SLC18B1: variants seen among roughly 807,000 people sequenced by gnomAD.
The protein encoded by SLC18B1 is solute carrier family 18 member B1, also known as MFS-type transporter SLC18B1.
In SLC18B1, 62 loss-of-function variants were observed where a neutral mutation model predicts 53.9. That is an observed-to-expected ratio of 1.15 (90% CI 0.94 to 1.42). The LOEUF (loss-of-function observed/expected upper bound fraction) is 1.42. Among genes scored for constraint, SLC18B1 ranks in the 40% most tolerant of loss-of-function variants. The pLI is 0.00. For missense variants in SLC18B1, 598 were observed against 547.3 expected (o/e 1.09, Z -0.93); for synonymous variants, 217 against 200.9 (o/e 1.08, Z -0.68).
In SLC18B1 at chr6:132,770,735, C is replaced by CA. The variant is rs541963924; in HGVS notation, c.1304+154dup. Among the ~76,000 whole-genome samples the CA allele has an allele frequency of 2.1e-3, 317 of 152,068 alleles. 1 individual carries two copies. The highest frequency in any genetic ancestry group is 7.4e-3 in the African/African-American group (308 of 41,496). On this transcript the variant is annotated intron_variant, in intron 13 of 13. Coordinates refer to ENST00000275227, the MANE Select transcript of SLC18B1 (RefSeq NM_052831.3). ...TGGGTGACAGAGCAAGACACCATCT[C>CA]AAAAAATAAAAATTAAAAAAGTATC...
At chr6:132,772,353 A>C (rs940365772) in intron 10 of SLC18B1, 147 bp from the exon 11 acceptor site, 1 of 468,638 alleles carries the variant, frequency 2.1e-6, no homozygotes. Flanking sequence ...ATAAAAAGCA[A>C]ATCTTATTTA....
intron 6 of SLC18B1, among the ~76,000 whole-genome samples, chr6:132,781,847 G>A (rs1781245909): frequency 6.6e-6 from 1 of 151,894 alleles, no homozygotes; most frequent in Admixed American, 6.6e-5. Context: ...GTAAGGGTTA[G>A]GTAGAGTGAA....
rs777579812 is a variant in SLC18B1, at chr6:132,797,113, G to T, written c.52C>A (p.Pro18Thr). ...GGGGTCTCTCCTGCACTTCCTGCAG[G>T]ATCATCACCTTGAATGCAAACATGC... ...EGPRAPGGDD[P>T]AGSAGETPGW... Residue 18 changes from proline (P) to threonine (T), a missense_variant, in exon 2 of 14, where the codon CCT (proline) becomes ACT (threonine). Coordinates refer to ENST00000275227, the MANE Select transcript of SLC18B1 (RefSeq NM_052831.3). 1 of 1,612,918 alleles carries T rather than the reference G, an allele frequency of 6.2e-7. No individual in the cohort carries two copies. The highest frequency in any genetic ancestry group is 1.3e-5 in the African/African-American group (1 of 74,858).
intron 6 of SLC18B1, among the ~76,000 whole-genome samples, chr6:132,781,076 T>C (rs1304932035): frequency 1.3e-5 from 2 of 152,164 alleles, no homozygotes; most frequent in African/African-American, 4.8e-5. Flanking sequence ...AAAATATAAA[T>C]TATAAAAGAT....
At chr6:132,788,090 G>A (rs566732351) in intron 4 of SLC18B1, among the ~76,000 whole-genome samples, 25 of 151,844 alleles carry the variant, frequency 1.6e-4, no homozygotes, top group African/African-American at 5.3e-4. Flanking sequence ...GAACCTGGGC[G>A]GCGCAGTTTG....
chr6:132,795,053 C>T (rs749837223), intron 2 of SLC18B1, among the ~76,000 whole-genome samples: 15 of 151,962 alleles, frequency 9.9e-5, no homozygotes, highest in Non-Finnish European at 1.8e-4. Context: ...CTTTCAGTAA[C>T]GCCCTTTCTT....
At position 132,772,086 on chromosome 6, in the gene SLC18B1, C is replaced by T. The variant is rs770304759; in HGVS notation, c.1160+46G>A. On this transcript the variant is annotated intron_variant, in intron 11 of 13. Coordinates refer to ENST00000275227, the MANE Select transcript of SLC18B1 (RefSeq NM_052831.3). ...CAGCCTGGGTGATGAGAGTGAAACT[C>T]CATCTCAAAAAAAAAAAAAAAGAAA... 7.0e-5 allele frequency: 93 copies of T among 1,320,294 alleles called. 1 individual carries two copies. Among genetic ancestry groups the T allele is most frequent in the East Asian group, 2.6e-5 (1 of 38,960 alleles). The allele number at this position is 1,320,294 out of a possible 1,614,324, so 81.8% of individuals were successfully genotyped here.
chr6:132,792,207 G>T (rs1402083162), intron 2 of SLC18B1, among the ~76,000 whole-genome samples: 1 of 139,394 alleles, frequency 7.2e-6, no homozygotes, highest in Non-Finnish European at 1.5e-5. Context: ...CAGCCTGGGT[G>T]ACAGAGCAAG....
At chr6:132,783,156 GA>G (rs1781278387) in intron 6 of SLC18B1, among the ~76,000 whole-genome samples, 2 of 141,000 alleles carry the variant, frequency 1.4e-5, no homozygotes, top group African/African-American at 6.4e-5. Flanking sequence ...CAATCCTAGA[GA>G]TTTTTTTTTA....
chr6:132,769,481 C>T lies in SLC18B1; in HGVS notation c.*789G>A, dbSNP rs998463556. 6.6e-5 allele frequency: 10 copies of T among 151,246 alleles called. No homozygotes were observed. The highest frequency in any genetic ancestry group is 4.2e-4 in the South Asian group (2 of 4,814). 9.4% of individuals were successfully genotyped at this position (151,246 alleles called of 1,614,324 possible). On this transcript the variant is annotated 3_prime_UTR_variant, in exon 14 of 14. Coordinates refer to ENST00000275227, the MANE Select transcript of SLC18B1 (RefSeq NM_052831.3). ...TTCGCATTAGGGGAAGGAGGCTGACCTGCTCTAGGGATGAAATACATCTAC... is the reference window on the plus strand; with the variant it reads ...TTCGCATTAGGGGAAGGAGGCTGACTTGCTCTAGGGATGAAATACATCTAC...
At chr6:132,779,943 T>G (rs1781190214) in intron 6 of SLC18B1, among the ~76,000 whole-genome samples, 1 of 152,142 alleles carries the variant, frequency 6.6e-6, no homozygotes, top group South Asian at 2.1e-4. Flanking sequence ...CTTGTGAGAC[T>G]TATTCACTCC....
intron 9 of SLC18B1, among the ~76,000 whole-genome samples, 175 bp downstream of exon 9, chr6:132,774,047 C>T (rs1225456835): frequency 6.6e-6 from 1 of 152,182 alleles, no homozygotes; most frequent in Non-Finnish European, 1.5e-5. Flanking sequence ...TGTTGTCCCA[C>T]TGCTAGCTTC....
At chr6:132,789,378 G>C (rs188306343) in intron 4 of SLC18B1, 279 of 163,988 alleles carry the variant, frequency 1.7e-3, no homozygotes, top group African/African-American at 5.4e-3. Context: ...ATCACAAGAA[G>C]AAAAATTTCT....
At chr6:132,791,919 T>C (rs1198269331) in intron 2 of SLC18B1, among the ~76,000 whole-genome samples, 3 of 151,578 alleles carry the variant, frequency 2.0e-5, no homozygotes, top group Non-Finnish European at 2.9e-5. Flanking sequence ...GTGAAAGGAG[T>C]CAATTAACGC....
intron 11 of SLC18B1, 134 bp downstream of exon 11, chr6:132,771,998 A>G: frequency 1.7e-6 from 1 of 601,316 alleles, no homozygotes; most frequent in Non-Finnish European, 2.8e-6. Context: ...AGGCTGAGAT[A>G]GAAGAATCTC....
rs1272046111 is a variant in SLC18B1 at position 132,770,749 on chromosome 6, T to TA, written c.1304+140dup. The TA allele has an allele frequency of 1.4e-5, 12 of 829,884 alleles. No homozygotes were observed. The East Asian group carries it at 2.7e-4, about 19-fold the overall frequency. 51.4% of individuals were successfully genotyped at this position (829,884 alleles called of 1,614,324 possible). On this transcript the variant is annotated intron_variant, in intron 13 of 13. Transcript: ENST00000275227. ...AGACACCATCTCAAAAAATAAAAAT[T>TA]AAAAAAGTATCTACCAACTGATGAG...
intron 2 of SLC18B1, among the ~76,000 whole-genome samples, chr6:132,792,731 G>A (rs923058646): frequency 3.9e-5 from 6 of 152,192 alleles, no homozygotes; most frequent in Admixed American, 1.3e-4. Flanking sequence ...TGCTGACACA[G>A]GATGTGCTAG....
chr6:132,791,039 G>A (rs1393998222), intron 2 of SLC18B1, among the ~76,000 whole-genome samples: 4 of 152,162 alleles, frequency 2.6e-5, no homozygotes, highest in Non-Finnish European at 5.9e-5. Context: ...AAAATAGAAA[G>A]TTTAAAAAAC....
At chr6:132,797,523 G>A (rs1328183631) in intron 1 of SLC18B1, among the ~76,000 whole-genome samples, 3 of 152,166 alleles carry the variant, frequency 2.0e-5, no homozygotes, top group African/African-American at 4.8e-5. Flanking sequence ...GCGTGAACCC[G>A]GGAGGCGGAG....
Sources: gnomAD v4.1 joint callset for allele counts (sites outside exome capture counted in the v4.1 genomes callset) on GRCh38, gnomAD v4.1.1 for gene constraint, MANE v1.5 for transcripts, NCBI Gene and HGNC (gene_info 2026-07-23, HGNC 2026-07-21) for gene names.